WASHC2A: variants seen among roughly 807,000 people sequenced by gnomAD.
The protein encoded by WASHC2A is WASH complex subunit FAM21A.
Under a neutral mutation model 140.3 loss-of-function variants are expected in WASHC2A, and 82 were observed. The ratio of observed to expected loss-of-function variants is 0.58; its 90% CI spans 0.49 to 0.70. The LOEUF is 0.70. Ranked by LOEUF, WASHC2A falls within the 30% of genes least tolerant of loss-of-function variation. The pLI, the probability that WASHC2A is intolerant of heterozygous loss-of-function variation, is 0.00. For missense variants in WASHC2A, 985 were observed against 1,521.8 expected (o/e 0.65, Z 5.87); for synonymous variants, 340 against 560.8 (o/e 0.61, Z 5.56).
intron 20 of WASHC2A, chr10:50,112,370 A>T: frequency 2.0e-6 from 1 of 492,032 alleles, no homozygotes; most frequent in Non-Finnish European, 2.5e-6. Context: ...CCTTCATCAG[A>T]TCTCAAAAGA....
At chr10:50,097,469 TTCTG>T (rs1840598502) in intron 15 of WASHC2A, among the ~76,000 whole-genome samples, 1 of 144,136 alleles carries the variant, frequency 6.9e-6, no homozygotes, top group African/African-American at 2.5e-5. Context: ...AAACTGTCTG[TTCTG>T]TCTTTCAACT....
intron 29 of WASHC2A, among the ~76,000 whole-genome samples, chr10:50,130,297 T>C (rs1589293213): frequency 7.2e-6 from 1 of 138,162 alleles, no homozygotes; most frequent in Non-Finnish European, 1.7e-5. Context: ...TTTTACAGTT[T>C]TTTTATTTTT....
At chr10:50,099,018 A>G (rs1840784999) in intron 16 of WASHC2A, among the ~76,000 whole-genome samples, 1 of 152,094 alleles carries the variant, frequency 6.6e-6, no homozygotes, top group South Asian at 2.1e-4. Context: ...ATAGTTGAAC[A>G]CAGTGTGAAT....
chr10:50,130,933 C>T lies in WASHC2A; in HGVS notation c.3741C>T (p.Pro1247=), dbSNP rs1843912532. 1.2e-6 allele frequency: 2 copies of T among 1,608,838 alleles called. No homozygotes were observed. Among genetic ancestry groups the T allele is most frequent in the Non-Finnish European group, 1.7e-6 (2 of 1,179,084 alleles). The change falls in exon 30 of 31, where the codon CCC becomes CCT. Residue 1247 remains proline, a synonymous_variant. Transcript: ENST00000282633. ...DDIFATEAIK[P]SQKTREKEKT... ...TATTTGCTACGGAAGCAATTAAACC[C>T]TCTCAGAAAACCAGAGAGAAGGAGA... is the stretch of plus-strand genomic sequence containing the variant.
intron 10 of WASHC2A, 50 bp downstream of exon 10, chr10:50,091,568 C>G: frequency 6.5e-7 from 1 of 1,546,404 alleles, no homozygotes; most frequent in Non-Finnish European, 8.7e-7. Flanking sequence ...AGTGCAGGGC[C>G]CTCTGCTGGC....
chr10:50,090,526 A>T (rs1486704514), intron 8 of WASHC2A, among the ~76,000 whole-genome samples: 3 of 140,436 alleles, frequency 2.1e-5, no homozygotes, highest in Non-Finnish European at 4.6e-5. Context: ...ATATATATAT[A>T]TATATTTATA....
At position 50,133,087 on chromosome 10, in the gene WASHC2A, T is replaced by TAAACCAG; in HGVS notation, c.*142_*143insAAACCAG. 6.7e-7 allele frequency: 1 copy of TAAACCAG among 1,503,424 alleles called. No homozygotes were observed. The highest frequency in any genetic ancestry group is 9.0e-7 in the Non-Finnish European group (1 of 1,107,256). 93.1% of individuals were successfully genotyped at this position (1,503,424 alleles called of 1,614,324 possible). A position where few individuals can be genotyped will look rare whatever the true frequency, so the allele number is the denominator to read the frequency against. On this transcript the variant is annotated 3_prime_UTR_variant, in exon 31 of 31. Coordinates refer to ENST00000282633, the MANE Select transcript of WASHC2A (RefSeq NM_001005751.3). ...ATCGTTCACCCAATGTACTTGGTAT[T>TAAACCAG]TTTCTGCACTGGTTTAATCATGCTT...
At chr10:50,097,833 C>T in intron 16 of WASHC2A, 31 bp downstream of exon 16, 1 of 1,611,412 alleles carries the variant, frequency 6.2e-7, no homozygotes, top group Non-Finnish European at 8.5e-7. Context: ...AACGCAGGAG[C>T]ATTGATCTGC....
Position 50,129,931 on chromosome 10 carries a change from T to G in WASHC2A, c.3600T>G (p.Pro1200=). 1 of 1,611,780 alleles carries G rather than the reference T, an allele frequency of 6.2e-7. No homozygotes were observed. The highest frequency in any genetic ancestry group is 1.1e-5 in the South Asian group (1 of 90,960). Residue 1200 remains proline (P), a synonymous_variant, in exon 29 of 31, where the codon CCT becomes CCG. Transcript: ENST00000282633. The part of the protein sequence containing the change: ...PKPAKKTNPF[P]LLEDEDDLFT... ...CAGCAAAGAAAACAAATCCCTTTCCTCTCCTGGAAGATGAGGATGACCTCT... is the reference window on the plus strand; with the variant it reads ...CAGCAAAGAAAACAAATCCCTTTCCGCTCCTGGAAGATGAGGATGACCTCT...
intron 28 of WASHC2A, 68 bp downstream of exon 28, chr10:50,127,863 T>C: frequency 1.3e-6 from 1 of 784,718 alleles, no homozygotes; most frequent in Non-Finnish European, 2.1e-6. Context: ...TTCTTTCTAG[T>C]TTATCAGTTG....
intron 3 of WASHC2A, among the ~76,000 whole-genome samples, chr10:50,075,871 T>C (rs1479288218): frequency 2.6e-5 from 4 of 152,096 alleles, no homozygotes; most frequent in Admixed American, 1.3e-4. Flanking sequence ...TATCAATCTT[T>C]GGCTTTTTAC....
intron 30 of WASHC2A, among the ~76,000 whole-genome samples, chr10:50,131,959 T>C (rs1213050535): frequency 6.6e-6 from 1 of 152,248 alleles, no homozygotes; most frequent in African/African-American, 2.4e-5. Context: ...GTGTATCCTT[T>C]CAGACACAGT....
rs782273265 is a variant in WASHC2A, at chr10:50,095,591, A to T, written c.1241-8A>T. On this transcript the variant is annotated splice_region_variant and splice_polypyrimidine_tract_variant and intron_variant, in intron 14 of 30. Coordinates refer to ENST00000282633, the MANE Select transcript of WASHC2A (RefSeq NM_001005751.3). ...ACAGCTGTGGCTGTCTTGTCTTTCC[A>T]CCCACAGGAGACACGGATGTGTTTG... 3 of 1,611,810 alleles carry T rather than the reference A, an allele frequency of 1.9e-6. No individual in the cohort carries two copies. Among genetic ancestry groups the T allele is most frequent in the South Asian group, 2.2e-5 (2 of 90,960 alleles).
intron 19 of WASHC2A, 116 bp downstream of exon 19, chr10:50,106,581 C>T (rs1265156653): frequency 1.2e-4 from 173 of 1,474,776 alleles, no homozygotes; most frequent in South Asian, 3.7e-4. Context: ...TCACCAAAGG[C>T]GATGTTCACA....
intron 16 of WASHC2A, among the ~76,000 whole-genome samples, chr10:50,099,106 G>T (rs1184464929): frequency 3.9e-5 from 6 of 151,988 alleles, no homozygotes; most frequent in Non-Finnish European, 7.4e-5. Flanking sequence ...TAATCTGTTA[G>T]CGGGCACAAA....
intron 11 of WASHC2A, among the ~76,000 whole-genome samples, chr10:50,092,518 A>G (rs1409612632): frequency 6.6e-6 from 1 of 151,916 alleles, no homozygotes; most frequent in Non-Finnish European, 1.5e-5. Context: ...TTAGCTTGGC[A>G]TGGTGGTGGG....
intron 17 of WASHC2A, among the ~76,000 whole-genome samples, chr10:50,100,810 T>C (rs1446585273): frequency 6.9e-3 from 970 of 141,316 alleles, no homozygotes; most frequent in African/African-American, 0.017. Flanking sequence ...CCCTGGTTCA[T>C]AGGTTGCTTT....
Position 50,129,459 on chromosome 10 carries a change from G to A in WASHC2A, c.3128G>A (p.Arg1043His), listed in dbSNP as rs747994104. ...KMRGKRRPQT[R>H]AARRLAAQES... The stretch of plus-strand genomic sequence containing the variant: ...AGAGGGAAGCGTAGACCGCAGACCC[G>A]TGCAGCTAGGCGGCTGGCTGCTCAG... Residue 1043 changes from arginine (R) to histidine (H), a missense_variant, in exon 29 of 31, where the codon CGT becomes CAT. Coordinates refer to ENST00000282633, the MANE Select transcript of WASHC2A (RefSeq NM_001005751.3). 21 of 1,611,918 alleles carry A rather than the reference G, an allele frequency of 1.3e-5. No homozygotes were observed. The highest frequency in any genetic ancestry group is 3.3e-5 in the Admixed American group (2 of 60,002).
chr10:50,119,984 C>G lies in WASHC2A; in HGVS notation c.2478+215C>G, dbSNP rs1260634685. Among the ~76,000 whole-genome samples the G allele has an allele frequency of 3.0e-4, 41 of 137,506 alleles. 5 individuals carry two copies. Among genetic ancestry groups the G allele is most frequent in the Non-Finnish European group, 5.7e-4 (37 of 65,190 alleles). The allele number at this position is 137,506 out of a possible 152,430, so 90.2% of individuals were successfully genotyped here. ...GATAGGGGATTAGAATTTCACCCCC[C>G]CTCTTCTGGGATTTACAGACCTTGT... On this transcript the variant is annotated intron_variant, in intron 23 of 30. Transcript: ENST00000282633.
Sources: allele counts gnomAD v4.1 joint callset (sites outside exome capture counted in the v4.1 genomes callset), GRCh38; gene constraint gnomAD v4.1.1; transcripts MANE v1.5; gene names NCBI Gene and HGNC (gene_info 2026-07-23, HGNC 2026-07-21).